The following MMP26 variants were observed in gnomAD, a reference collection of about 807,000 sequenced individuals.
The protein encoded by MMP26 is matrix metallopeptidase 26, also known as matrix metalloproteinase-26.
MMP26 carries 33 observed loss-of-function variants against 31.0 expected under a neutral mutation model. The ratio of observed to expected loss-of-function variants is 1.06; its 90% CI spans 0.81 to 1.42. The LOEUF is 1.42. Among genes scored for constraint, MMP26 ranks in the 40% most tolerant of loss-of-function variants. MMP26 has a pLI of 0.00. For synonymous variants in MMP26, 122 were observed against 114.9 expected (o/e 1.06, Z -0.40); for missense variants, 347 against 316.1 (o/e 1.10, Z -0.74).
intron 5 of MMP26, 73 bp from the exon 6 acceptor site, chr11:4,991,298 G>T (rs1308616000): frequency 3.3e-6 from 5 of 1,521,962 alleles, no homozygotes; most frequent in Non-Finnish European, 8.9e-7. Flanking sequence ...AGTCTCTGAG[G>T]CTTACTTAAG....
chr11:4,749,152 A>G lies in MMP26; in HGVS notation c.-216-18118A>G, dbSNP rs116815020. Reference sequence around the variant, plus strand: ...GTAGCATTTCTAAATAACAATAGCTATCTAGCTGAGAACCAAATTAAGAAC... The same window carrying G: ...GTAGCATTTCTAAATAACAATAGCTGTCTAGCTGAGAACCAAATTAAGAAC... On this transcript the variant is annotated intron_variant, in intron 1 of 7. Coordinates refer to ENST00000380390, the MANE Select transcript of MMP26 (RefSeq NM_021801.5). Among the ~76,000 whole-genome samples the G allele has an allele frequency of 2.0e-3, 309 of 152,188 alleles. 1 individual carries two copies. The highest frequency in any genetic ancestry group is 6.8e-3 in the African/African-American group (281 of 41,576).
At chr11:4,866,309 A>G (rs1850233787) in intron 2 of MMP26, among the ~76,000 whole-genome samples, 1 of 152,182 alleles carries the variant, frequency 6.6e-6, no homozygotes, top group African/African-American at 2.4e-5. Flanking sequence ...AGTTACTAAA[A>G]ATAAACAAAA....
intron 2 of MMP26, chr11:4,769,890 T>C (rs759288938): frequency 2.1e-5 from 34 of 1,609,826 alleles, no homozygotes; most frequent in Middle Eastern, 3.3e-4. Flanking sequence ...GTTGGAAATT[T>C]AGATGTTGAG....
chr11:4,771,037 A>G (rs183380605), intron 2 of MMP26, among the ~76,000 whole-genome samples: 12 of 152,266 alleles, frequency 7.9e-5, no homozygotes, highest in African/African-American at 2.4e-4. Flanking sequence ...TTAGCAGTGG[A>G]GGTACGGTTT....
At chr11:4,967,527 A>G (rs1846612571) in intron 2 of MMP26, among the ~76,000 whole-genome samples, 3 of 152,182 alleles carry the variant, frequency 2.0e-5, no homozygotes, top group Admixed American at 2.0e-4. Flanking sequence ...GAGGTCCCCA[A>G]GATATTCTGA....
intron 2 of MMP26, among the ~76,000 whole-genome samples, chr11:4,932,716 C>T (rs1277607): frequency 0.99 from 150,559 of 152,228 alleles, 74,482 homozygotes; most frequent in Middle Eastern, 1. Context: ...TGGAGTGGTT[C>T]GCTCTCCAGC....
rs75673830 is a variant in MMP26 at position 4,778,282 on chromosome 11, C to T, written c.-145+10941C>T. 5.1e-3 allele frequency among the ~76,000 whole-genome samples: 774 copies of T among 152,146 alleles called. 6 individuals carry two copies. Among genetic ancestry groups the T allele is most frequent in the African/African-American group, 0.018 (742 of 41,546 alleles). The stretch of plus-strand genomic sequence containing the variant: ...CCTTTTAAGAAATGCCTCTCCAAGC[C>T]TTTTGCCTATTTTCCATTGAGTTGT... On this transcript the variant is annotated intron_variant, in intron 2 of 7. Coordinates refer to ENST00000380390, the MANE Select transcript of MMP26 (RefSeq NM_021801.5).
At chr11:4,945,924 G>A (rs2605304) in intron 2 of MMP26, 438,367 of 518,148 alleles carry the variant, frequency 0.85, 185,915 homozygotes, top group Admixed American at 0.9. Flanking sequence ...TGCTTGTATC[G>A]GAGATGCTAT....
At chr11:4,707,824 T>C (rs747165602) in intron 1 of MMP26, among the ~76,000 whole-genome samples, 8 of 152,198 alleles carry the variant, frequency 5.3e-5, no homozygotes, top group Non-Finnish European at 8.8e-5. Flanking sequence ...TTAGATGCTG[T>C]TGTGCTAGCC....
intron 2 of MMP26, among the ~76,000 whole-genome samples, chr11:4,863,842 T>C (rs577880026): frequency 7.9e-5 from 12 of 152,318 alleles, no homozygotes; most frequent in African/African-American, 2.9e-4. Flanking sequence ...AAATTTCCTT[T>C]ATCTGTCAGA....
At chr11:4,848,983 C>T in intron 2 of MMP26, 1 of 1,614,124 alleles carries the variant, frequency 6.2e-7, no homozygotes, top group Non-Finnish European at 8.5e-7. Flanking sequence ...ATATCAGACA[C>T]ACTAAGCAAG....
At chr11:4,706,755 A>G (rs1053739244) in intron 1 of MMP26, among the ~76,000 whole-genome samples, 13 of 152,164 alleles carry the variant, frequency 8.5e-5, no homozygotes, top group Non-Finnish European at 1.9e-4. Flanking sequence ...TACCTGTTTA[A>G]CAGCATCTCC....
At chr11:4,762,035 T>C (rs1242858003) in intron 1 of MMP26, among the ~76,000 whole-genome samples, 2 of 152,188 alleles carry the variant, frequency 1.3e-5, no homozygotes, top group African/African-American at 4.8e-5. Flanking sequence ...ATTGATTATC[T>C]GTACAGTGAT....
chr11:4,774,425 C>G (rs962096271), intron 2 of MMP26, among the ~76,000 whole-genome samples: 1 of 152,100 alleles, frequency 6.6e-6, no homozygotes, highest in Non-Finnish European at 1.5e-5. Flanking sequence ...TGAATGTCTT[C>G]TTTTGAGAAG....
chr11:4,883,215 T>C (rs1850504100), intron 2 of MMP26, among the ~76,000 whole-genome samples: 1 of 138,470 alleles, frequency 7.2e-6, no homozygotes, highest in South Asian at 2.6e-4. Context: ...ATTAAAATTT[T>C]ATTTTCACAT....
intron 2 of MMP26, among the ~76,000 whole-genome samples, chr11:4,836,503 T>C (rs1345542205): frequency 6.6e-6 from 1 of 151,290 alleles, no homozygotes; most frequent in Non-Finnish European, 1.5e-5. Context: ...AGAATGTATT[T>C]AACAGGTGAT....
intron 2 of MMP26, among the ~76,000 whole-genome samples, chr11:4,779,292 A>C (rs1372933141): frequency 6.6e-6 from 1 of 151,630 alleles, no homozygotes; most frequent in Non-Finnish European, 1.5e-5. Context: ...TAGATTCATC[A>C]CTTTTTTCAT....
chr11:4,765,780 A>T (rs1178512775), intron 1 of MMP26, among the ~76,000 whole-genome samples: 1 of 152,190 alleles, frequency 6.6e-6, no homozygotes, highest in East Asian at 1.9e-4. Context: ...TGGCTTCTGA[A>T]CGATGTGTCC....
At chr11:4,950,584 T>G (rs1284409226) in intron 2 of MMP26, among the ~76,000 whole-genome samples, 3 of 122,020 alleles carry the variant, frequency 2.5e-5, no homozygotes, top group African/African-American at 8.3e-5. Flanking sequence ...TAAATTCGAT[T>G]ATTTTATAAC....
Sources: allele counts gnomAD v4.1 joint callset (sites outside exome capture counted in the v4.1 genomes callset), GRCh38; gene constraint gnomAD v4.1.1; transcripts MANE v1.5; gene names NCBI Gene and HGNC (gene_info 2026-07-23, HGNC 2026-07-21).